CNTN3: variants seen among roughly 807,000 people sequenced by gnomAD.
CNTN3 encodes contactin 3.
CNTN3 carries 60 observed loss-of-function variants against 119.1 expected under a neutral mutation model. The ratio of observed to expected loss-of-function variants is 0.50; its 90% CI spans 0.41 to 0.62. The LOEUF is 0.62. Ranked by LOEUF, CNTN3 falls within the 20% of genes least tolerant of loss-of-function variation. The pLI, the probability that CNTN3 is intolerant of heterozygous loss-of-function variation, is 0.00. For synonymous variants in CNTN3, 450 were observed against 438.7 expected, an observed-to-expected ratio of 1.03 and a Z score of -0.32; for missense variants, 1,101 against 1,242.4, an observed-to-expected ratio of 0.89 and a Z score of 1.71.
At chr3:74,356,851 C>T (rs770113023) in intron 11 of CNTN3, among the ~76,000 whole-genome samples, 4 of 152,080 alleles carry the variant, frequency 2.6e-5, no homozygotes, top group Admixed American at 1.3e-4. Context: ...CACATGATCA[C>T]GGCTGATTCA....
chr3:74,480,466 A>G (rs1175233967), intron 4 of CNTN3, among the ~76,000 whole-genome samples: 1 of 152,062 alleles, frequency 6.6e-6, no homozygotes, highest in Admixed American at 6.6e-5. Context: ...ATCAGCTGGC[A>G]TAGTTAACAG....
chr3:74,443,221 C>T (rs1172306237), intron 4 of CNTN3, among the ~76,000 whole-genome samples: 1 of 152,142 alleles, frequency 6.6e-6, no homozygotes. Flanking sequence ...AATTCCAGAG[C>T]TTGACAGTGG....
intron 5 of CNTN3, among the ~76,000 whole-genome samples, chr3:74,413,931 C>CACAATAACA (rs1003763107): frequency 6.6e-6 from 1 of 152,264 alleles, no homozygotes; most frequent in African/African-American, 2.4e-5. Context: ...GGCACAGACA[C>CACAATAACA]ACAATAACAA....
intron 3 of CNTN3, among the ~76,000 whole-genome samples, chr3:74,496,353 T>C (rs1333627020): frequency 6.6e-6 from 1 of 152,142 alleles, no homozygotes; most frequent in African/African-American, 2.4e-5. Flanking sequence ...CGGACCAGGA[T>C]TCCTAGATGG....
At chr3:74,419,660 C>T (rs2106887282) in intron 5 of CNTN3, among the ~76,000 whole-genome samples, 1 of 152,314 alleles carries the variant, frequency 6.6e-6, no homozygotes, top group African/African-American at 2.4e-5. Flanking sequence ...AAAGCTGAAT[C>T]AAGACACCAA....
chr3:74,394,652 T>A (rs1383723848), intron 5 of CNTN3, among the ~76,000 whole-genome samples: 1 of 152,174 alleles, frequency 6.6e-6, no homozygotes, highest in Non-Finnish European at 1.5e-5. Flanking sequence ...AATGTTGAAA[T>A]GAAAGTTAAT....
intron 7 of CNTN3, 122 bp from the exon 8 acceptor site, chr3:74,369,495 G>A (rs1299664903): frequency 4.7e-6 from 3 of 641,090 alleles, no homozygotes; most frequent in Non-Finnish European, 5.2e-6. Flanking sequence ...CACTTTCAAT[G>A]GTCAATTATA....
rs143557364 is a variant in CNTN3, at chr3:74,587,391, T to C, written c.-81+27000A>G. On this transcript the variant is annotated intron_variant, in intron 1 of 22. Coordinates refer to ENST00000263665, the MANE Select transcript of CNTN3 (RefSeq NM_020872.3). Reference sequence around the variant, plus strand: ...ATTTGTGTCTCTTCTTGGCAGAAACTTGAAAACAACTGCACAACTTATCAT... The same window carrying C: ...ATTTGTGTCTCTTCTTGGCAGAAACCTGAAAACAACTGCACAACTTATCAT... Among the ~76,000 whole-genome samples, 16 of 152,220 alleles carry C rather than the reference T, an allele frequency of 1.1e-4. 1 individual carries two copies. In the East Asian group the frequency reaches 2.9e-3, roughly 28 times the overall value.
At chr3:74,344,162 G>C (rs866860816) in intron 11 of CNTN3, among the ~76,000 whole-genome samples, 22 of 152,038 alleles carry the variant, frequency 1.4e-4, no homozygotes, top group Middle Eastern at 3.2e-3. Flanking sequence ...GTACATAGTA[G>C]TTTTTTTCAA....
At chr3:74,360,719 T>C (rs928008917) in intron 11 of CNTN3, among the ~76,000 whole-genome samples, 1 of 152,162 alleles carries the variant, frequency 6.6e-6, no homozygotes, top group Non-Finnish European at 1.5e-5. Flanking sequence ...CTTGTGGTCA[T>C]GGAACCAAGG....
At chr3:74,350,844 T>C (rs919625848) in intron 11 of CNTN3, among the ~76,000 whole-genome samples, 1 of 151,958 alleles carries the variant, frequency 6.6e-6, no homozygotes, top group African/African-American at 2.4e-5. Flanking sequence ...AAAAAGCACA[T>C]TCTCCCTTAT....
intron 22 of CNTN3, 83 bp from the exon 23 acceptor site, chr3:74,264,584 T>TC (rs556531280): frequency 6.2e-5 from 50 of 808,076 alleles, no homozygotes; most frequent in Admixed American, 5.9e-4. Flanking sequence ...TTTGTGGTGT[T>TC]CCCCCCAAAT....
chr3:74,358,016 T>C (rs1703980368), intron 11 of CNTN3, among the ~76,000 whole-genome samples: 1 of 152,292 alleles, frequency 6.6e-6, no homozygotes, highest in South Asian at 2.1e-4. Flanking sequence ...GGGGCTTTCG[T>C]TGCCAAGTGA....
At chr3:74,273,920 C>G (rs1701830559) in intron 20 of CNTN3, among the ~76,000 whole-genome samples, 1 of 152,118 alleles carries the variant, frequency 6.6e-6, no homozygotes, top group South Asian at 2.1e-4. Flanking sequence ...GGAAACTTCT[C>G]AGCCCTGCCT....
At chr3:74,387,868 C>A (rs1392805066) in intron 5 of CNTN3, among the ~76,000 whole-genome samples, 1 of 152,152 alleles carries the variant, frequency 6.6e-6, no homozygotes, top group Non-Finnish European at 1.5e-5. Context: ...ACTTTTGAAG[C>A]TTAATGACGA....
chr3:74,549,728 A>T (rs542296923), intron 1 of CNTN3, among the ~76,000 whole-genome samples: 7 of 152,182 alleles, frequency 4.6e-5, no homozygotes, highest in Non-Finnish European at 7.4e-5. Context: ...AGATCAGGAA[A>T]AGACCTTGCA....
At chr3:74,274,300 C>G (rs1160374603) in intron 20 of CNTN3, among the ~76,000 whole-genome samples, 1 of 152,056 alleles carries the variant, frequency 6.6e-6, no homozygotes, top group Non-Finnish European at 1.5e-5. Context: ...CATACTACCA[C>G]AGCTGATGCT....
chr3:74,499,057 T>G (rs940060996), intron 3 of CNTN3, among the ~76,000 whole-genome samples: 1 of 107,648 alleles, frequency 9.3e-6, no homozygotes, highest in African/African-American at 3.6e-5. Flanking sequence ...GGTGGGAGTA[T>G]GGATTTTTTT....
intron 8 of CNTN3, among the ~76,000 whole-genome samples, chr3:74,367,264 A>T (rs1345009184): frequency 6.6e-6 from 1 of 152,082 alleles, no homozygotes; most frequent in Non-Finnish European, 1.5e-5. Flanking sequence ...GGTATGTATC[A>T]TATTACCTAC....
Sources: allele counts gnomAD v4.1 joint callset (sites outside exome capture counted in the v4.1 genomes callset), GRCh38; gene constraint gnomAD v4.1.1; transcripts MANE v1.5; gene names NCBI Gene and HGNC (gene_info 2026-07-23, HGNC 2026-07-21).